The following COMMD9 variants were observed in gnomAD, a reference collection of about 807,000 sequenced individuals.
COMMD9 encodes the protein COMM domain containing 9.
A neutral mutation model predicts 23.4 loss-of-function variants in COMMD9; 22 were observed. The observed-to-expected ratio is 0.94, with a 90% CI of 0.67 to 1.34. COMMD9 has a LOEUF of 1.34. Ranked by LOEUF, COMMD9 falls within the 40% of genes most tolerant of loss-of-function variation. The pLI, the probability that COMMD9 is intolerant of heterozygous loss-of-function variation, is 0.00. For synonymous variants in COMMD9, 99 were observed against 97.4 expected, an observed-to-expected ratio of 1.02 and a Z score of -0.10; for missense variants, 231 against 240.2, an observed-to-expected ratio of 0.96 and a Z score of 0.25.
intron 1 of COMMD9, among the ~76,000 whole-genome samples, chr11:36,284,382 A>G (rs1040286947): frequency 6.6e-6 from 1 of 152,232 alleles, no homozygotes; most frequent in African/African-American, 2.4e-5. Context: ...AAAATATGTG[A>G]AGCAAAAACT....
At chr11:36,278,352 T>C (rs759717524) in intron 3 of COMMD9, 125 bp downstream of exon 3, 14 of 841,526 alleles carry the variant, frequency 1.7e-5, no homozygotes, top group Non-Finnish European at 2.3e-5. Flanking sequence ...AGGTGTCTTA[T>C]TTTCTTTTTG....
chr11:36,288,826 T>C (rs1281121037), intron 1 of COMMD9, among the ~76,000 whole-genome samples: 1 of 152,136 alleles, frequency 6.6e-6, no homozygotes, highest in African/African-American at 2.4e-5. Flanking sequence ...TCATTTGAGC[T>C]TTACAAAGCC....
chr11:36,285,103 G>A (rs887778270), intron 1 of COMMD9, among the ~76,000 whole-genome samples: 4 of 151,984 alleles, frequency 2.6e-5, no homozygotes, highest in South Asian at 2.1e-4. Context: ...AATAAAAATC[G>A]ACAAACCTTT....
intron 1 of COMMD9, among the ~76,000 whole-genome samples, chr11:36,284,393 A>G (rs1023696345): frequency 2.0e-5 from 3 of 152,354 alleles, no homozygotes; most frequent in Admixed American, 6.5e-5. Flanking sequence ...AGCAAAAACT[A>G]TCAGAACTGT....
intron 4 of COMMD9, 58 bp downstream of exon 4, chr11:36,277,031 T>C (rs1202425266): frequency 1.3e-5 from 19 of 1,471,842 alleles, no homozygotes; most frequent in East Asian, 2.4e-5. Flanking sequence ...CTTGGCAGAC[T>C]GAGAGCTGGG....
intron 1 of COMMD9, among the ~76,000 whole-genome samples, chr11:36,283,303 T>C (rs1856097125): frequency 6.6e-6 from 1 of 152,190 alleles, no homozygotes; most frequent in Admixed American, 6.5e-5. Context: ...CATGGATAAA[T>C]ACTGTAGGCT....
At position 36,278,578 on chromosome 11, in the gene COMMD9, T is replaced by C. The variant is rs377576262; in HGVS notation, c.216A>G (p.Ala72=). Residue 72 remains alanine (A), a synonymous_variant, in exon 3 of 6, where the codon GCA becomes GCG. Transcript: ENST00000263401. ...CCTCGGCAGAGGACAGGTCACGGAA[T>C]GCCACCAGCCTAGTGAGGCGGTGCA... ...QALHRLTRLV[A]FRDLSSAEAI... The C allele has an allele frequency of 5.6e-6, 9 of 1,614,200 alleles. No individual in the cohort carries two copies. In the South Asian group the frequency reaches 8.8e-5, roughly 16 times the overall value.
chr11:36,275,828 C>T (rs77996490), intron 5 of COMMD9, among the ~76,000 whole-genome samples: 205 of 152,260 alleles, frequency 1.3e-3, no homozygotes, highest in African/African-American at 4.8e-3. Flanking sequence ...CTGAAATGAT[C>T]GGGCAGGCTA....
chr11:36,276,556 G>T, intron 4 of COMMD9: 1 of 282,814 alleles, frequency 3.5e-6, no homozygotes, highest in Non-Finnish European at 6.7e-6. Context: ...CTGAGCCTTA[G>T]GAAATGTGTA....
In COMMD9 at chr11:36,289,223, C is replaced by T. The variant is rs1856225238; in HGVS notation, c.51+139G>A. The T allele has an allele frequency of 2.1e-5, 14 of 677,160 alleles. No homozygotes were observed. In the South Asian group the frequency reaches 3.7e-4, roughly 18 times the overall value. The allele number at this position is 677,160 out of a possible 1,614,324, so 41.9% of individuals were successfully genotyped here. A position where few individuals can be genotyped will look rare whatever the true frequency, so the allele number is the denominator to read the frequency against. ...TTTTTAAAAGCTCAGAAAGACGCAACGATTTGCCTGGGATCACACAGAGAA... is the reference window on the plus strand; with the variant it reads ...TTTTTAAAAGCTCAGAAAGACGCAATGATTTGCCTGGGATCACACAGAGAA... On this transcript the variant is annotated intron_variant, in intron 1 of 5. Transcript: ENST00000263401.
At chr11:36,285,375 TAAAA>T (rs1045791376) in intron 1 of COMMD9, among the ~76,000 whole-genome samples, 4 of 152,048 alleles carry the variant, frequency 2.6e-5, no homozygotes, top group African/African-American at 9.7e-5. Context: ...TTAAGGCTCC[TAAAA>T]AAGTCTCTAG....
intron 1 of COMMD9, among the ~76,000 whole-genome samples, chr11:36,285,050 T>C (rs1452924769): frequency 6.6e-6 from 1 of 151,810 alleles, no homozygotes; most frequent in African/African-American, 2.4e-5. Flanking sequence ...AAATTGAAAA[T>C]AGAGAAATCG....
At chr11:36,283,093 C>T (rs1238957564) in intron 1 of COMMD9, among the ~76,000 whole-genome samples, 1 of 152,128 alleles carries the variant, frequency 6.6e-6, no homozygotes, top group African/African-American at 2.4e-5. Context: ...CAGTTGGGTC[C>T]CCAGCCAATG....
intron 4 of COMMD9, 138 bp downstream of exon 4, chr11:36,276,951 A>C: frequency 1.5e-5 from 8 of 529,924 alleles, no homozygotes; most frequent in East Asian, 7.0e-5. Context: ...TAGGGAAAAA[A>C]CCCACCATAC....
intron 3 of COMMD9, 55 bp downstream of exon 3, chr11:36,278,422 A>T: frequency 1.4e-5 from 21 of 1,503,668 alleles, no homozygotes; most frequent in Non-Finnish European, 1.8e-5. Flanking sequence ...GAATGAGAAT[A>T]AAAATAATAA....
At chr11:36,281,961 GAAC>G (rs771408235) in intron 1 of COMMD9, among the ~76,000 whole-genome samples, 105 of 151,896 alleles carry the variant, frequency 6.9e-4, no homozygotes, top group Non-Finnish European at 1.2e-3. Context: ...AAGATATACA[GAAC>G]AACAAAATGG....
intron 1 of COMMD9, 124 bp from the exon 2 acceptor site, chr11:36,280,961 T>A: frequency 9.7e-7 from 1 of 1,029,544 alleles, no homozygotes; most frequent in Non-Finnish European, 1.3e-6. Context: ...ACATAAGACT[T>A]TGGATTCTAG....
chr11:36,278,650 CAG>C, intron 2 of COMMD9, 34 bp from the exon 3 acceptor site: 1 of 1,606,930 alleles, frequency 6.2e-7, no homozygotes, highest in Non-Finnish European at 8.5e-7. Flanking sequence ...GTAGCTGTAA[CAG>C]AAGCAGCAGG....
In COMMD9 at chr11:36,276,216, A is replaced by G. The variant is rs1447301236; in HGVS notation, c.377T>C (p.Leu126Pro). 1.2e-6 allele frequency: 2 copies of G among 1,614,060 alleles called. No homozygotes were observed. The highest frequency in any genetic ancestry group is 1.1e-5 in the South Asian group (1 of 91,074). The change falls in exon 5 of 6, where the codon CTG (leucine) becomes CCG (proline). Residue 126 changes from leucine to proline, a missense_variant. By Grantham distance (98) the Leu-to-Pro change is moderately conservative. Coordinates refer to ENST00000263401, the MANE Select transcript of COMMD9 (RefSeq NM_014186.4). ...NQISLPRLVD[L>P]DWRVDIKTSS... ...GGTTTTGATATCCACTCTCCAGTCC[A>G]GATCGACCAGGCGTGGCAGAGAGAC...
Sources: allele counts gnomAD v4.1 joint callset (sites outside exome capture counted in the v4.1 genomes callset), GRCh38; gene constraint gnomAD v4.1.1; transcripts MANE v1.5; gene names NCBI Gene and HGNC (gene_info 2026-07-23, HGNC 2026-07-21).